The following MERTK variants were observed in gnomAD, a reference collection of about 807,000 sequenced individuals.
MERTK encodes the protein tyrosine-protein kinase Mer.
MERTK carries 69 observed loss-of-function variants against 99.3 expected under a neutral mutation model. That is an observed-to-expected ratio of 0.70 (90% CI 0.57 to 0.85). The LOEUF (loss-of-function observed/expected upper bound fraction) is 0.85. MERTK is among the 40% of genes least tolerant of loss of function. MERTK has a pLI of 0.00. For missense variants in MERTK, 1,125 were observed against 1,249.4 expected, an observed-to-expected ratio of 0.90 and a Z score of 1.50; for synonymous variants, 426 against 467.6, an observed-to-expected ratio of 0.91 and a Z score of 1.15.
rs576452941 is a variant in MERTK, at chr2:111,965,742, C to CA, written c.844+465_844+466insA. ...TTCCCAGGTCAGCGGGGCCTGCTGA[C>CA]TGACTCCCTGCCACCTACTGACTCA... On this transcript the variant is annotated intron_variant, in intron 5 of 18. Coordinates refer to ENST00000295408, the MANE Select transcript of MERTK (RefSeq NM_006343.3). 6.4e-3 allele frequency among the ~76,000 whole-genome samples: 980 copies of CA among 152,220 alleles called. 13 individuals carry two copies. The highest frequency in any genetic ancestry group is 0.023 in the African/African-American group (944 of 41,510).
At chr2:111,918,155 TA>T (rs1386289048) in intron 1 of MERTK, among the ~76,000 whole-genome samples, 1 of 152,154 alleles carries the variant, frequency 6.6e-6, no homozygotes, top group Non-Finnish European at 1.5e-5. Flanking sequence ...AATGCTTATT[TA>T]ATATCTAGTG....
At position 111,929,387 on chromosome 2, in the gene MERTK, G is replaced by T. The variant is rs143388544; in HGVS notation, c.329G>T (p.Gly110Val). The T allele has an allele frequency of 3.7e-6, 6 of 1,613,922 alleles. No homozygotes were observed. The highest frequency in any genetic ancestry group is 3.3e-5 in the South Asian group (3 of 91,080). Reference protein sequence around the residue: ...VGHIILSEHKGVKFNCSISVP... With the variant: ...VGHIILSEHKVVKFNCSISVP... ...CACATAATACTTTCTGAACATAAAG[G>T]TGTCAAATTTAATTGCTCAATCAGT... The change falls in exon 2 of 19, where the codon GGT becomes GTT. Residue 110 changes from glycine (G) to valine (V), a missense_variant. Transcript: ENST00000295408.
chr2:111,994,595 C>A, intron 9 of MERTK, 191 bp downstream of exon 9: 2 of 768,892 alleles, frequency 2.6e-6, no homozygotes, highest in Non-Finnish European at 4.6e-6. Flanking sequence ...CATAGTGAGA[C>A]CCTGTCTCTA....
At chr2:111,928,776 G>A (rs1161540309) in intron 1 of MERTK, among the ~76,000 whole-genome samples, 2 of 152,142 alleles carry the variant, frequency 1.3e-5, no homozygotes, top group African/African-American at 4.8e-5. Flanking sequence ...GTGAGCCACC[G>A]CGCCTGGCCA....
chr2:112,021,213 A>G (rs964047631), intron 16 of MERTK, among the ~76,000 whole-genome samples: 1 of 152,012 alleles, frequency 6.6e-6, no homozygotes, highest in African/African-American at 2.4e-5. Context: ...AGTCTCAAAA[A>G]AAAAATTGCA....
At chr2:111,972,374 G>T (rs1676140640) in intron 6 of MERTK, among the ~76,000 whole-genome samples, 2 of 152,302 alleles carry the variant, frequency 1.3e-5, no homozygotes, top group South Asian at 2.1e-4. Context: ...GCTTCAGGGA[G>T]ACTCTCAGGA....
chr2:111,957,171 C>T (rs1685164810), intron 4 of MERTK, among the ~76,000 whole-genome samples: 1 of 152,024 alleles, frequency 6.6e-6, no homozygotes, highest in South Asian at 2.1e-4. Flanking sequence ...TCGTGATCCG[C>T]CCGCCTTGGC....
chr2:111,989,169 G>A (rs1006000596), intron 8 of MERTK, among the ~76,000 whole-genome samples: 2 of 152,026 alleles, frequency 1.3e-5, no homozygotes, highest in Non-Finnish European at 1.5e-5. Context: ...TGGCCTCTCC[G>A]TAGAAAGAAG....
At chr2:111,940,483 T>C in intron 2 of MERTK, 1 of 573,686 alleles carries the variant, frequency 1.7e-6, no homozygotes, top group South Asian at 1.4e-5. Context: ...AAGAATATGT[T>C]TGTCTAAAGC....
rs543913382 is a variant in MERTK, at chr2:111,959,966, T to C, written c.758-5225T>C. Among the ~76,000 whole-genome samples the C allele has an allele frequency of 5.8e-4, 89 of 152,302 alleles. 1 individual carries two copies. The highest frequency in any genetic ancestry group is 2.1e-3 in the African/African-American group (88 of 41,542). On this transcript the variant is annotated intron_variant, in intron 4 of 18. Coordinates refer to ENST00000295408, the MANE Select transcript of MERTK (RefSeq NM_006343.3). ...ACATCTATGCTATGGCATCATCATATATCATATAGCCTCTGGGAAATTCTT... is the reference window on the plus strand; with the variant it reads ...ACATCTATGCTATGGCATCATCATACATCATATAGCCTCTGGGAAATTCTT...
chr2:112,019,200 G>A, intron 15 of MERTK: 1 of 671,304 alleles, frequency 1.5e-6, no homozygotes, highest in Non-Finnish European at 2.7e-6. Flanking sequence ...GGGGAAAAGA[G>A]AATATGATGT....
intron 4 of MERTK, chr2:111,952,155 C>CT (rs11454685): frequency 0.044 from 6,650 of 149,662 alleles, 493 homozygotes; most frequent in African/African-American, 0.15. Flanking sequence ...AAATTTGAAG[C>CT]TTTTTTTTTT....
chr2:111,928,722 G>A (rs1684613264), intron 1 of MERTK, among the ~76,000 whole-genome samples: 1 of 152,160 alleles, frequency 6.6e-6, no homozygotes, highest in Non-Finnish European at 1.5e-5. Flanking sequence ...CTGACCTCAG[G>A]TGATCCTCCT....
intron 1 of MERTK, among the ~76,000 whole-genome samples, chr2:111,919,366 A>G (rs559485178): frequency 1.9e-3 from 285 of 152,010 alleles, no homozygotes; most frequent in South Asian, 0.019. Flanking sequence ...TTTTTTTTTA[A>G]ATCCCAGTGC....
chr2:111,940,073 T>C (rs1684833724), intron 2 of MERTK, among the ~76,000 whole-genome samples: 1 of 151,940 alleles, frequency 6.6e-6, no homozygotes, highest in African/African-American at 2.4e-5. Flanking sequence ...CAGCTCCTGT[T>C]TCCTAGAGCC....
rs189279346 is a variant in MERTK at position 111,908,530 on chromosome 2, T to C, written c.61+9734T>C. 4.3e-4 allele frequency among the ~76,000 whole-genome samples: 66 copies of C among 152,320 alleles called. 1 individual carries two copies. Among genetic ancestry groups the C allele is most frequent in the Non-Finnish European group, 7.9e-4 (54 of 68,016 alleles). On this transcript the variant is annotated intron_variant, in intron 1 of 18. Transcript: ENST00000295408. The stretch of plus-strand genomic sequence containing the variant: ...CATTGGGTGTTTCAATTCCCATGCA[T>C]GTCTTTATCCTTTGATCATGATTGA...
In MERTK at chr2:112,008,369, A is replaced by G. The variant is rs750390203; in HGVS notation, c.1868-14A>G. 3 of 1,603,478 alleles carry G rather than the reference A, an allele frequency of 1.9e-6. No homozygotes were observed. Among genetic ancestry groups the G allele is most frequent in the Non-Finnish European group, 8.5e-7 (1 of 1,170,616 alleles). On this transcript the variant is annotated splice_polypyrimidine_tract_variant and intron_variant, in intron 13 of 18. Transcript: ENST00000295408. The stretch of plus-strand genomic sequence containing the variant: ...AAATTATCCATACTTAACCTTTTCT[A>G]TTTTCTCCTCTAGTGGACAACTCTT...
chr2:111,925,275 G>GAGATATATATATATATATATATAT lies in MERTK; in HGVS notation c.62-3844_62-3843insGATATATATATATATATATATATA, dbSNP rs1553446636. 3.4e-4 allele frequency among the ~76,000 whole-genome samples: 18 copies of GAGATATATATATATATATATATAT among 52,174 alleles called. 1 individual carries two copies. Among genetic ancestry groups the GAGATATATATATATATATATATAT allele is most frequent in the African/African-American group, 1.7e-3 (18 of 10,492 alleles). 34.2% of individuals were successfully genotyped at this position (52,174 alleles called of 152,430 possible). On this transcript the variant is annotated intron_variant, in intron 1 of 18. Transcript: ENST00000295408. The stretch of plus-strand genomic sequence containing the variant: ...CTGGTAAATCAAATTGTACAGATCA[G>GAGATATATATATATATATATATAT]ATATATATATATATATATTTTTTTT...
At chr2:112,022,167 G>T in intron 17 of MERTK, 91 bp from the exon 18 acceptor site, 1 of 1,559,206 alleles carries the variant, frequency 6.4e-7, no homozygotes, top group Non-Finnish European at 8.8e-7. Flanking sequence ...ATGATCATCA[G>T]TGTTTAAGGA....
Sources: allele counts gnomAD v4.1 joint callset (sites outside exome capture counted in the v4.1 genomes callset), GRCh38; gene constraint gnomAD v4.1.1; transcripts MANE v1.5; gene names NCBI Gene and HGNC (gene_info 2026-07-23, HGNC 2026-07-21).